The following JPH1 variants were observed in gnomAD, a reference collection of about 807,000 sequenced individuals.
JPH1 encodes the protein junctophilin-1.
A neutral mutation model predicts 53.6 loss-of-function variants in JPH1; 12 were observed. The observed-to-expected ratio is 0.22, with a 90% CI of 0.14 to 0.36. The LOEUF is 0.36. Among genes scored for constraint, JPH1 ranks in the 10% least tolerant of loss-of-function variants. The pLI, the probability that JPH1 is intolerant of heterozygous loss-of-function variation, is 1.00. For synonymous variants in JPH1, 375 were observed against 363.8 expected (o/e 1.03, Z -0.35); for missense variants, 808 against 905.5 (o/e 0.89, Z 1.38).
chr8:74,279,939 A>G (rs905402825), intron 2 of JPH1, among the ~76,000 whole-genome samples: 6 of 152,332 alleles, frequency 3.9e-5, no homozygotes, highest in African/African-American at 7.2e-5. Flanking sequence ...TATAAATAAA[A>G]ACTAGACCTC....
At chr8:74,255,873 A>G (rs899785238) in intron 3 of JPH1, among the ~76,000 whole-genome samples, 2 of 152,336 alleles carry the variant, frequency 1.3e-5, no homozygotes, top group African/African-American at 4.8e-5. Context: ...AATGGCGATC[A>G]TTAAAAAGTC....
chr8:74,320,869 C>T lies in JPH1; in HGVS notation c.379+40G>A, dbSNP rs1808298214. 2 of 1,476,216 alleles carry T rather than the reference C, an allele frequency of 1.4e-6. No homozygotes were observed. The highest frequency in any genetic ancestry group is 9.0e-7 in the Non-Finnish European group (1 of 1,115,846). The allele number at this position is 1,476,216 out of a possible 1,614,324, so 91.4% of individuals were successfully genotyped here. A position where few individuals can be genotyped will look rare whatever the true frequency, so the allele number is the denominator to read the frequency against. On this transcript the variant is annotated intron_variant, in intron 1 of 5. Transcript: ENST00000342232. This position sits in a 1 kb window ranked among gnomAD's most constrained non-coding sequence, Gnocchi z 4.4. Reference sequence around the variant, plus strand: ...GCAGCCGGGGCAGAGCCCACCGCACCAGCTCGCGGAGCAGCCGAGCCGCCC... The same window carrying T: ...GCAGCCGGGGCAGAGCCCACCGCACTAGCTCGCGGAGCAGCCGAGCCGCCC...
chr8:74,241,933 C>T (rs755175474), intron 4 of JPH1, among the ~76,000 whole-genome samples: 90 of 152,242 alleles, frequency 5.9e-4, no homozygotes, highest in Non-Finnish European at 9.9e-4. Context: ...GCTAAAGATG[C>T]CTCTTCTGAC....
chr8:74,267,792 T>C (rs1392169964), intron 2 of JPH1, among the ~76,000 whole-genome samples: 1 of 152,092 alleles, frequency 6.6e-6, no homozygotes, highest in East Asian at 1.9e-4. Flanking sequence ...TGAGAGCTGA[T>C]CCTGTCGGAA....
chr8:74,289,160 G>T (rs770122854), intron 2 of JPH1, among the ~76,000 whole-genome samples: 1 of 152,172 alleles, frequency 6.6e-6, no homozygotes, highest in African/African-American at 2.4e-5. Context: ...GGGAAAGGAC[G>T]TTTTCTATAG....
rs1808281051 is a variant in JPH1, at chr8:74,320,464, C to G, written c.379+445G>C. Among the ~76,000 whole-genome samples the G allele has an allele frequency of 6.6e-6, 1 of 152,306 alleles. No individual in the cohort carries two copies. Among genetic ancestry groups the G allele is most frequent in the South Asian group, 2.1e-4 (1 of 4,828 alleles). ...AATCCCGGGAGCGGTCAGCACGGAC[C>G]GCCAACCTCACCCGCTCAGGGTGTT... On this transcript the variant is annotated intron_variant, in intron 1 of 5. Transcript: ENST00000342232. This position sits in a 1 kb window ranked among gnomAD's most constrained non-coding sequence, Gnocchi z 4.4.
chr8:74,301,933 T>G (rs1194126585), intron 2 of JPH1, among the ~76,000 whole-genome samples: 1 of 151,886 alleles, frequency 6.6e-6, no homozygotes, highest in Non-Finnish European at 1.5e-5. Flanking sequence ...GGTACATGGG[T>G]TCAAAAAAAA....
chr8:74,297,216 A>G (rs956171085), intron 2 of JPH1, among the ~76,000 whole-genome samples: 4 of 152,242 alleles, frequency 2.6e-5, no homozygotes, highest in Admixed American at 2.0e-4. Flanking sequence ...TCTTTGCAGG[A>G]GCAGGGTTGA....
chr8:74,245,388 TTGCATTC>T (rs1805828684), intron 3 of JPH1, among the ~76,000 whole-genome samples: 1 of 152,206 alleles, frequency 6.6e-6, no homozygotes, highest in Non-Finnish European at 1.5e-5. Context: ...TCCCTGATAA[TTGCATTC>T]TTTCTGCCTA....
At chr8:74,300,434 G>A (rs999478849) in intron 2 of JPH1, among the ~76,000 whole-genome samples, 2 of 152,126 alleles carry the variant, frequency 1.3e-5, no homozygotes, top group Admixed American at 6.5e-5. Context: ...TCAGGCCCAC[G>A]CTTTTTCCTC....
intron 2 of JPH1, among the ~76,000 whole-genome samples, chr8:74,297,644 G>A (rs1156968940): frequency 6.6e-6 from 1 of 152,204 alleles, no homozygotes; most frequent in East Asian, 1.9e-4. Context: ...TAACTGGTAA[G>A]ACAAATATCT....
chr8:74,295,376 C>T (rs952739821), intron 2 of JPH1, among the ~76,000 whole-genome samples: 19 of 152,216 alleles, frequency 1.2e-4, no homozygotes, highest in Admixed American at 2.6e-4. Context: ...ATATATTATA[C>T]GCTGGCTTTC....
At chr8:74,251,490 TGTACAC>T (rs1279023267) in intron 3 of JPH1, among the ~76,000 whole-genome samples, 1 of 152,240 alleles carries the variant, frequency 6.6e-6, no homozygotes, top group African/African-American at 2.4e-5. Context: ...TTTCTGTGCA[TGTACAC>T]AGTTATCTAT....
chr8:74,237,340 C>A (rs1807030910), intron 4 of JPH1, 37 bp from the exon 5 acceptor site: 1 of 1,481,472 alleles, frequency 6.8e-7, no homozygotes, highest in South Asian at 1.2e-5. Flanking sequence ...TATAACTTCT[C>A]CATGTTAATA....
chr8:74,247,295 T>A (rs1805886527), intron 3 of JPH1, among the ~76,000 whole-genome samples: 1 of 152,228 alleles, frequency 6.6e-6, no homozygotes, highest in African/African-American at 2.4e-5. Flanking sequence ...TGTGCTTTAC[T>A]GATATTCAAC....
intron 2 of JPH1, among the ~76,000 whole-genome samples, chr8:74,266,869 T>C (rs1458305100): frequency 6.6e-6 from 1 of 152,174 alleles, no homozygotes; most frequent in Non-Finnish European, 1.5e-5. Flanking sequence ...ACAGCTGTAA[T>C]GTATAGCAAT....
chr8:74,243,535 G>A lies in JPH1; in HGVS notation c.1905+994C>T, dbSNP rs143094003. ...TTTAATCCTGTGAGTAAATCAAACAGACAAAAATAAGAAACTGATGGCTGT... is the reference window on the plus strand; with the variant it reads ...TTTAATCCTGTGAGTAAATCAAACAAACAAAAATAAGAAACTGATGGCTGT... On this transcript the variant is annotated intron_variant, in intron 4 of 5. Transcript: ENST00000342232. Among the ~76,000 whole-genome samples, 634 of 152,306 alleles carry A rather than the reference G, an allele frequency of 4.2e-3. 2 individuals carry two copies. Among genetic ancestry groups the A allele is most frequent in the African/African-American group, 0.015 (606 of 41,568 alleles).
At position 74,267,742 on chromosome 8, in the gene JPH1, G is replaced by A. The variant is rs563260739; in HGVS notation, c.1140-8239C>T. Among the ~76,000 whole-genome samples, 14 of 152,206 alleles carry A rather than the reference G, an allele frequency of 9.2e-5. No individual in the cohort carries two copies. In the South Asian group the frequency reaches 2.9e-3, roughly 32 times the overall value. ...TGGATAGTAACCAGAAGGATTAGCTGGGTCAAGGAAAAAGACGTTTTACTT... is the reference window on the plus strand; with the variant it reads ...TGGATAGTAACCAGAAGGATTAGCTAGGTCAAGGAAAAAGACGTTTTACTT... On this transcript the variant is annotated intron_variant, in intron 2 of 5. Coordinates refer to ENST00000342232, the MANE Select transcript of JPH1 (RefSeq NM_020647.4).
intron 3 of JPH1, among the ~76,000 whole-genome samples, chr8:74,258,465 G>C (rs1806300154): frequency 6.6e-6 from 1 of 152,148 alleles, no homozygotes; most frequent in South Asian, 2.1e-4. Flanking sequence ...AATATTTGTT[G>C]ATTGCTATTT....
Sources: allele counts gnomAD v4.1 joint callset (sites outside exome capture counted in the v4.1 genomes callset), GRCh38; gene constraint gnomAD v4.1.1; non-coding constraint Gnocchi (gnomAD v3.1); transcripts MANE v1.5; gene names NCBI Gene and HGNC (gene_info 2026-07-23, HGNC 2026-07-21).